Variants in CPED1 observed in about 807,000 individuals in gnomAD.
The protein encoded by CPED1 is cadherin like and PC-esterase domain containing 1.
CPED1 carries 114 observed loss-of-function variants against 128.2 expected under a neutral mutation model. The observed-to-expected ratio is 0.89, with a 90% CI of 0.76 to 1.04. The LOEUF (loss-of-function observed/expected upper bound fraction) is 1.04. Among genes scored for constraint, CPED1 ranks in the 50% least tolerant of loss-of-function variants. The probability of loss-of-function intolerance (pLI) is 0.00; values close to 1 mark genes in which losing one functional copy is unlikely to be tolerated. For missense variants in CPED1, 1,211 were observed against 1,207.1 expected (o/e 1.00, Z -0.05); for synonymous variants, 462 against 426.7 (o/e 1.08, Z -1.02).
intron 22 of CPED1, among the ~76,000 whole-genome samples, chr7:121,281,982 C>T (rs2116773576): frequency 6.6e-6 from 1 of 152,260 alleles, no homozygotes; most frequent in Admixed American, 6.5e-5. Flanking sequence ...AGAGGAGTTA[C>T]TTCAAAGTGG....
At chr7:121,061,519 G>A (rs1467408724) in intron 4 of CPED1, among the ~76,000 whole-genome samples, 2 of 152,196 alleles carry the variant, frequency 1.3e-5, no homozygotes, top group African/African-American at 4.8e-5. Context: ...ACTCTGGTGG[G>A]GGATGTTAAT....
intron 13 of CPED1, among the ~76,000 whole-genome samples, chr7:121,135,711 C>T (rs961669636): frequency 2.6e-5 from 4 of 151,978 alleles, no homozygotes; most frequent in Non-Finnish European, 4.4e-5. Flanking sequence ...AACTGGATGG[C>T]ACTCTTACAA....
chr7:121,164,298 G>C (rs1030286144), intron 16 of CPED1, among the ~76,000 whole-genome samples: 1 of 152,146 alleles, frequency 6.6e-6, no homozygotes, highest in African/African-American at 2.4e-5. Context: ...CACTTCTTAA[G>C]TTTCATCTAG....
chr7:121,174,703 C>T (rs1267820055), intron 16 of CPED1, among the ~76,000 whole-genome samples: 20 of 151,794 alleles, frequency 1.3e-4, no homozygotes, highest in Admixed American at 1.3e-4. Flanking sequence ...CTTGGTTATT[C>T]GGGCTTTTTT....
rs1031244777 is a variant in CPED1 at position 121,133,899 on chromosome 7, A to C, written c.1648+6A>C. On this transcript the variant is annotated splice_donor_region_variant and intron_variant, in intron 13 of 22. Coordinates refer to ENST00000310396, the MANE Select transcript of CPED1 (RefSeq NM_024913.5). ...TGCAATAGAAAATAAAAAAGGTAAAAATATAGATATTCCCACTTATTTCAA... is the reference window on the plus strand; with the variant it reads ...TGCAATAGAAAATAAAAAAGGTAAACATATAGATATTCCCACTTATTTCAA... 6.6e-6 allele frequency: 10 copies of C among 1,505,718 alleles called. No individual in the cohort carries two copies. The East Asian group carries it at 2.1e-4, about 31-fold the overall frequency. 93.3% of individuals were successfully genotyped at this position (1,505,718 alleles called of 1,614,324 possible).
intron 16 of CPED1, among the ~76,000 whole-genome samples, chr7:121,180,675 G>T (rs1286082921): frequency 6.6e-6 from 1 of 151,912 alleles, no homozygotes; most frequent in Non-Finnish European, 1.5e-5. Context: ...CTACACAATG[G>T]AGAAGAGAAG....
chr7:121,295,176 A>C (rs910053705), intron 22 of CPED1, among the ~76,000 whole-genome samples: 12 of 90,822 alleles, frequency 1.3e-4, no homozygotes, highest in East Asian at 3.0e-4. Context: ...CACACACACA[A>C]AGACTAGAAG....
At chr7:121,058,041 G>T (rs1006055108) in intron 4 of CPED1, among the ~76,000 whole-genome samples, 3 of 152,072 alleles carry the variant, frequency 2.0e-5, no homozygotes, top group African/African-American at 7.2e-5. Context: ...GGAACAATAG[G>T]CCTACAGTAA....
At chr7:121,267,116 C>A in intron 20 of CPED1, 99 bp from the exon 21 acceptor site, 3 of 709,076 alleles carry the variant, frequency 4.2e-6, no homozygotes, top group Admixed American at 5.0e-5. Context: ...CCAATTATCA[C>A]ATTCTGAAAG....
chr7:121,154,258 C>A (rs1239353706), intron 16 of CPED1, among the ~76,000 whole-genome samples: 1 of 152,156 alleles, frequency 6.6e-6, no homozygotes, highest in African/African-American at 2.4e-5. Flanking sequence ...AAAAAGGGAT[C>A]TCTCTTTCTA....
chr7:121,079,256 T>G (rs1041548153), intron 5 of CPED1, among the ~76,000 whole-genome samples: 1 of 152,040 alleles, frequency 6.6e-6, no homozygotes, highest in Non-Finnish European at 1.5e-5. Flanking sequence ...TGATATCACA[T>G]GGAAACGAGA....
At chr7:121,128,507 G>A in intron 11 of CPED1, 21 bp downstream of exon 11, 1 of 1,289,154 alleles carries the variant, frequency 7.8e-7, no homozygotes, top group Non-Finnish European at 1.1e-6. Context: ...AGTGACATTT[G>A]ATTCTTTCTT....
intron 16 of CPED1, among the ~76,000 whole-genome samples, chr7:121,181,798 G>A (rs1796902326): frequency 6.6e-6 from 1 of 152,116 alleles, no homozygotes; most frequent in Non-Finnish European, 1.5e-5. Context: ...GAGTGGTTGA[G>A]TGACTTTCCA....
chr7:121,227,415 A>G (rs929325749), intron 16 of CPED1, among the ~76,000 whole-genome samples: 17 of 152,106 alleles, frequency 1.1e-4, no homozygotes, highest in Admixed American at 3.9e-4. Flanking sequence ...GGATGGATTT[A>G]TACCAAAAAC....
chr7:121,024,801 G>A (rs1451511650), intron 3 of CPED1, among the ~76,000 whole-genome samples: 2 of 152,054 alleles, frequency 1.3e-5, no homozygotes, highest in African/African-American at 2.4e-5. Context: ...CATAATATCC[G>A]AATTACATTT....
At chr7:121,242,570 T>C (rs1798421725) in intron 17 of CPED1, among the ~76,000 whole-genome samples, 1 of 152,182 alleles carries the variant, frequency 6.6e-6, no homozygotes, top group South Asian at 2.1e-4. Flanking sequence ...TAAAGGTTAA[T>C]TTATCATTCC....
At chr7:121,226,027 G>A (rs1020707764) in intron 16 of CPED1, among the ~76,000 whole-genome samples, 5 of 152,130 alleles carry the variant, frequency 3.3e-5, no homozygotes, top group East Asian at 1.9e-4. Context: ...CGTTGCTGAC[G>A]AGGAACTGTG....
At chr7:121,030,800 A>G (rs1451983656) in intron 3 of CPED1, among the ~76,000 whole-genome samples, 2 of 152,228 alleles carry the variant, frequency 1.3e-5, no homozygotes, top group Non-Finnish European at 2.9e-5. Flanking sequence ...AGTTTCAGGC[A>G]TCCACTTGAG....
intron 14 of CPED1, among the ~76,000 whole-genome samples, chr7:121,137,448 C>T (rs866678501): frequency 1.2e-4 from 18 of 152,016 alleles, no homozygotes; most frequent in African/African-American, 4.1e-4. Flanking sequence ...ACTGGGATTA[C>T]AGAAATGAGC....
Sources: allele counts gnomAD v4.1 joint callset (sites outside exome capture counted in the v4.1 genomes callset), GRCh38; gene constraint gnomAD v4.1.1; transcripts MANE v1.5; gene names NCBI Gene and HGNC (gene_info 2026-07-23, HGNC 2026-07-21).